Variants in CARS2 observed in about 807,000 individuals in gnomAD.
The protein encoded by CARS2 is cysteinyl-tRNA synthetase 2, mitochondrial.
CARS2 carries 52 observed loss-of-function variants against 68.8 expected under a neutral mutation model. That is an observed-to-expected ratio of 0.76 (90% CI 0.61 to 0.95). CARS2 has a LOEUF of 0.95. CARS2 is among the 40% of genes least tolerant of loss of function. The probability of loss-of-function intolerance (pLI) is 0.00; values close to 1 mark genes in which losing one functional copy is unlikely to be tolerated. For missense variants in CARS2, 780 were observed against 754.2 expected (o/e 1.03, Z -0.40); for synonymous variants, 314 against 303.6 (o/e 1.03, Z -0.36).
Position 110,706,105 on chromosome 13 carries a change from G to C in CARS2, c.-12C>G. ...GTAGTCCTCAACATGTCAGCGGCCA[G>C]CGCCTACGACTGGGCGGAGACGGGA... is the stretch of plus-strand genomic sequence containing the variant. On this transcript the variant is annotated 5_prime_UTR_variant, in exon 1 of 15. Transcript: ENST00000257347. 7.7e-7 allele frequency: 1 copy of C among 1,303,904 alleles called. No homozygotes were observed. Among genetic ancestry groups the C allele is most frequent in the Non-Finnish European group, 9.7e-7 (1 of 1,029,866 alleles). The allele number at this position is 1,303,904 out of a possible 1,614,324, so 80.8% of individuals were successfully genotyped here.
chr13:110,711,112 C>T (rs557819451), upstream of CARS2, among the ~76,000 whole-genome samples: 3 of 152,250 alleles, frequency 2.0e-5, no homozygotes, highest in African/African-American at 7.2e-5. Context: ...TACTTATATG[C>T]TTTTTGAGGG....
At chr13:110,701,403 G>T in intron 3 of CARS2, 35 bp downstream of exon 3, 1 of 962,698 alleles carries the variant, frequency 1.0e-6, no homozygotes, top group Non-Finnish European at 1.7e-6. Flanking sequence ...ACTAATCAAT[G>T]GCATTATCAA....
intron 11 of CARS2, 184 bp from the exon 12 acceptor site, chr13:110,646,274 T>C: frequency 1.7e-6 from 1 of 603,476 alleles, no homozygotes; most frequent in Non-Finnish European, 2.7e-6. Flanking sequence ...CTGCAAACTG[T>C]CATGTTACCC....
rs139204721 is a variant in CARS2, at chr13:110,651,291, C to T, written c.988-191G>A. On this transcript the variant is annotated intron_variant, in intron 9 of 14. Transcript: ENST00000257347. ...GGTGATTTCCTCACTGAACTTTCCA[C>T]GTTCGATCTCAGTATTTGTGGAAAG... The T allele has an allele frequency of 2.3e-3, 1,235 of 546,508 alleles. 12 individuals carry two copies. Among genetic ancestry groups the T allele is most frequent in the African/African-American group, 0.021 (1,079 of 51,250 alleles). The allele number at this position is 546,508 out of a possible 1,614,324, so 33.9% of individuals were successfully genotyped here. A position where few individuals can be genotyped will look rare whatever the true frequency, so the allele number is the denominator to read the frequency against.
At position 110,665,928 on chromosome 13, in the gene CARS2, C is replaced by G. The variant is rs79426962; in HGVS notation, c.919+1412G>C. 2.9e-3 allele frequency: 2,881 copies of G among 985,306 alleles called. 4 individuals carry two copies. The highest frequency in any genetic ancestry group is 3.3e-3 in the Non-Finnish European group (2,739 of 829,868). 61.0% of individuals were successfully genotyped at this position (985,306 alleles called of 1,614,324 possible). A position where few individuals can be genotyped will look rare whatever the true frequency, so the allele number is the denominator to read the frequency against. ...TGTTAATTTCCTGTATTTCAGATGT[C>G]AAAGTTTGCATCTCCAAATCTATCA... On this transcript the variant is annotated intron_variant, in intron 8 of 14. Coordinates refer to ENST00000257347, the MANE Select transcript of CARS2 (RefSeq NM_024537.4). The surrounding 1 kb of genome is among the most constrained non-coding windows in gnomAD (Gnocchi z 4.3).
At chr13:110,681,766 A>G (rs1435909370) in intron 6 of CARS2, among the ~76,000 whole-genome samples, 4 of 152,244 alleles carry the variant, frequency 2.6e-5, no homozygotes, top group Non-Finnish European at 4.4e-5. Flanking sequence ...GCTCTCAGCC[A>G]TGAAAAGACA....
chr13:110,687,160 C>T (rs1458387621), intron 5 of CARS2, among the ~76,000 whole-genome samples: 3 of 152,142 alleles, frequency 2.0e-5, no homozygotes, highest in South Asian at 2.1e-4. Context: ...CTAGATTCCA[C>T]GACTGTTACC....
intron 9 of CARS2, among the ~76,000 whole-genome samples, chr13:110,657,657 G>A (rs952379659): frequency 3.3e-5 from 5 of 152,172 alleles, no homozygotes; most frequent in African/African-American, 7.2e-5. Flanking sequence ...TGTAAAAGAG[G>A]GAACAATTAG....
chr13:110,699,193 A>G (rs1457129218), intron 3 of CARS2, among the ~76,000 whole-genome samples: 4 of 152,130 alleles, frequency 2.6e-5, no homozygotes, highest in Non-Finnish European at 4.4e-5. Flanking sequence ...ATACGTTTCT[A>G]TTCATTATAA....
At chr13:110,677,557 CGG>C (rs2062996951) in intron 6 of CARS2, among the ~76,000 whole-genome samples, 2 of 93,224 alleles carry the variant, frequency 2.1e-5, no homozygotes, top group Admixed American at 1.3e-4. Flanking sequence ...CACCCCGCCA[CGG>C]AAACCCAGAC....
chr13:110,693,438 T>C (rs1479073547), intron 3 of CARS2, among the ~76,000 whole-genome samples: 6 of 151,922 alleles, frequency 3.9e-5, no homozygotes, highest in Admixed American at 1.3e-4. Flanking sequence ...CGGCTCACTG[T>C]AAGCTCTGCC....
At chr13:110,698,727 G>C (rs1051959951) in intron 3 of CARS2, among the ~76,000 whole-genome samples, 2 of 152,048 alleles carry the variant, frequency 1.3e-5, no homozygotes, top group African/African-American at 4.8e-5. Context: ...TTTCCGGCCA[G>C]GTGCAGTGGC....
intron 14 of CARS2, 53 bp downstream of exon 14, chr13:110,642,262 G>A: frequency 7.0e-7 from 1 of 1,434,996 alleles, no homozygotes; most frequent in Non-Finnish European, 9.6e-7. Flanking sequence ...CCCACGTCCT[G>A]TTGACCTACC....
chr13:110,659,348 G>A (rs1294583593), intron 9 of CARS2, among the ~76,000 whole-genome samples: 1 of 152,162 alleles, frequency 6.6e-6, no homozygotes, highest in African/African-American at 2.4e-5. Context: ...TGTAAAAGAT[G>A]TATCCTGCTG....
intron 13 of CARS2, chr13:110,642,926 A>C: frequency 2.5e-6 from 1 of 396,674 alleles, no homozygotes; most frequent in Non-Finnish European, 4.9e-6. Flanking sequence ...GTTTCGGCAA[A>C]TGGTCTGAGA....
Position 110,641,473 on chromosome 13 carries a change from A to G in CARS2, c.*64T>C. ...GCCCCGACAGGAAGCTTTAACATAAAGCCTTGACCCTGAGAAGCATGGGTG... is the reference window on the plus strand; with the variant it reads ...GCCCCGACAGGAAGCTTTAACATAAGGCCTTGACCCTGAGAAGCATGGGTG... On this transcript the variant is annotated 3_prime_UTR_variant, in exon 15 of 15. Coordinates refer to ENST00000257347, the MANE Select transcript of CARS2 (RefSeq NM_024537.4). The G allele has an allele frequency of 1.5e-6, 2 of 1,331,894 alleles. No individual in the cohort carries two copies. Among genetic ancestry groups the G allele is most frequent in the Non-Finnish European group, 2.2e-6 (2 of 922,386 alleles). The allele number at this position is 1,331,894 out of a possible 1,614,324, so 82.5% of individuals were successfully genotyped here.
Position 110,653,291 on chromosome 13 carries a change from G to A in CARS2, c.988-2191C>T, listed in dbSNP as rs1334516504. Among the ~76,000 whole-genome samples the A allele has an allele frequency of 4.6e-5, 7 of 152,076 alleles. No individual in the cohort carries two copies. Among genetic ancestry groups the A allele is most frequent in the Admixed American group, 1.3e-4 (2 of 15,276 alleles). On this transcript the variant is annotated intron_variant, in intron 9 of 14. Coordinates refer to ENST00000257347, the MANE Select transcript of CARS2 (RefSeq NM_024537.4). The surrounding 1 kb of genome is among the most constrained non-coding windows in gnomAD (Gnocchi z 5.6). ...GTAATCACACTGGAATTCCATTTCC[G>A]TCTGTCCATCTCCCGGGTGCTCCTT...
chr13:110,702,647 G>C (rs1422246030), intron 2 of CARS2, among the ~76,000 whole-genome samples: 1 of 152,218 alleles, frequency 6.6e-6, no homozygotes, highest in African/African-American at 2.4e-5. Flanking sequence ...ACTGCCCTTG[G>C]AGACAGCAGA....
At chr13:110,651,401 C>G (rs1290905356) in intron 9 of CARS2, among the ~76,000 whole-genome samples, 1 of 152,224 alleles carries the variant, frequency 6.6e-6, no homozygotes, top group Non-Finnish European at 1.5e-5. Flanking sequence ...AGCCTGGGCT[C>G]TCTTTCTGCA....
Sources: allele counts gnomAD v4.1 joint callset (sites outside exome capture counted in the v4.1 genomes callset), GRCh38; gene constraint gnomAD v4.1.1; non-coding constraint Gnocchi (gnomAD v3.1); transcripts MANE v1.5; gene names NCBI Gene and HGNC (gene_info 2026-07-23, HGNC 2026-07-21).